CLN6: variants seen among roughly 807,000 people sequenced by gnomAD.
The protein encoded by CLN6 is CLN6 transmembrane ER protein.
Under a neutral mutation model 33.3 loss-of-function variants are expected in CLN6, and 22 were observed. The observed-to-expected ratio is 0.66, with a 90% CI of 0.47 to 0.94. CLN6 has a LOEUF of 0.94. Among genes scored for constraint, CLN6 ranks in the 40% least tolerant of loss-of-function variants. The pLI is 0.00. For missense variants in CLN6, 387 were observed against 417.1 expected (o/e 0.93, Z 0.63); for synonymous variants, 201 against 174.6 (o/e 1.15, Z -1.19).
chr15:68,217,925 C>T (rs896746440), intron 2 of CLN6, among the ~76,000 whole-genome samples: 1 of 150,986 alleles, frequency 6.6e-6, no homozygotes, highest in African/African-American at 2.4e-5. Context: ...ACCTATCTAT[C>T]TTCCATCCTC....
At chr15:68,239,447 C>G (rs1401489025) in intron 1 of CLN6, among the ~76,000 whole-genome samples, 1 of 152,002 alleles carries the variant, frequency 6.6e-6, no homozygotes. Flanking sequence ...ACTTTTGTGC[C>G]AACCTGAAGT....
upstream of CLN6, chr15:68,257,190 G>T: frequency 4.2e-6 from 1 of 236,628 alleles, no homozygotes; most frequent in Non-Finnish European, 8.1e-6. Context: ...GCGTCGCTGA[G>T]GGCTTGCGCC....
At chr15:68,255,620 A>G (rs4777030) in intron 1 of CLN6, among the ~76,000 whole-genome samples, 127,925 of 152,246 alleles carry the variant, frequency 0.84, 57,845 homozygotes, top group Non-Finnish European at 0.99. Context: ...TTTGAAAGTC[A>G]CTGCATATGT....
chr15:68,252,711 A>C (rs1892392874), intron 1 of CLN6, among the ~76,000 whole-genome samples: 1 of 152,244 alleles, frequency 6.6e-6, no homozygotes, highest in African/African-American at 2.4e-5. Context: ...ATATATTCAC[A>C]GAGTGCATGT....
At chr15:68,234,544 A>G (rs1224112719), upstream of CLN6, among the ~76,000 whole-genome samples, 2 of 152,210 alleles carry the variant, frequency 1.3e-5, no homozygotes, top group South Asian at 4.1e-4. This position sits in a 1 kb window ranked among gnomAD's most constrained non-coding sequence, Gnocchi z 4.1. Context: ...ACATGTGGCT[A>G]TAAATTCAGA....
chr15:68,228,346 G>A lies in CLN6; in HGVS notation c.83+1156C>T, dbSNP rs2093258192. Among the ~76,000 whole-genome samples, 2 of 152,164 alleles carry A rather than the reference G, an allele frequency of 1.3e-5. No individual in the cohort carries two copies. The highest frequency in any genetic ancestry group is 4.8e-5 in the African/African-American group (2 of 41,438). Reference sequence around the variant, plus strand: ...CAGAAACTTCTCACGACTCCCCAGTGCCTATGGGATAAAGACTGTGTCCTT... The same window carrying A: ...CAGAAACTTCTCACGACTCCCCAGTACCTATGGGATAAAGACTGTGTCCTT... On this transcript the variant is annotated intron_variant, in intron 1 of 6. Coordinates refer to ENST00000249806, the MANE Select transcript of CLN6 (RefSeq NM_017882.3). The surrounding 1 kb of genome is among the most constrained non-coding windows in gnomAD (Gnocchi z 4.4).
intron 2 of CLN6, among the ~76,000 whole-genome samples, chr15:68,217,632 C>T (rs1009311004): frequency 3.9e-5 from 6 of 152,108 alleles, no homozygotes; most frequent in Non-Finnish European, 8.8e-5. Context: ...GAGTGACCTT[C>T]GAAAAGTCAC....
chr15:68,229,814 T>C (rs1331371620), upstream of CLN6: 1 of 174,188 alleles, frequency 5.7e-6, no homozygotes, highest in Non-Finnish European at 1.0e-5. Context: ...CGGGCTCCGC[T>C]AGGGGAGGGC....
In CLN6 at chr15:68,208,157, C is replaced by A. The variant is rs146801142; in HGVS notation, c.919G>T (p.Val307Phe). The change falls in exon 7 of 7, where the codon GTC (valine) becomes TTC (phenylalanine). Residue 307 changes from valine (V) to phenylalanine (F), a missense_variant. Val to Phe is a conservative substitution (Grantham distance 50, BLOSUM62 -1). Coordinates refer to ENST00000249806, the MANE Select transcript of CLN6 (RefSeq NM_017882.3). This position sits in a 1 kb window ranked among gnomAD's most constrained non-coding sequence, Gnocchi z 5.8. ...CCAGGGACTCAGTGCCGACTGCTGA[C>A]GTGAAGGGTGTAGAAAGCCCAGGGC... Reference protein sequence around the residue: ...PEPWAFYTLHVSSRH With the variant: ...PEPWAFYTLHFSSRH 3.9e-6 allele frequency: 6 copies of A among 1,538,718 alleles called. No homozygotes were observed. In the African/African-American group the frequency reaches 8.4e-5, roughly 21 times the overall value.
In CLN6 at chr15:68,209,614, C is replaced by A. The variant is rs776132323; in HGVS notation, c.665+23G>T. The stretch of plus-strand genomic sequence containing the variant: ...GGCTCTCTCAGTGCCCCTGCCTCTG[C>A]CCCCATGCTGATGTCCACTCACCAG... On this transcript the variant is annotated intron_variant, in intron 6 of 6. Coordinates refer to ENST00000249806, the MANE Select transcript of CLN6 (RefSeq NM_017882.3). This position sits in a 1 kb window ranked among gnomAD's most constrained non-coding sequence, Gnocchi z 4.9. The A allele has an allele frequency of 1.2e-6, 2 of 1,610,980 alleles. No individual in the cohort carries two copies. The highest frequency in any genetic ancestry group is 1.7e-5 in the Admixed American group (1 of 59,990).
intron 1 of CLN6, among the ~76,000 whole-genome samples, chr15:68,237,887 G>A (rs193262883): frequency 1.6e-4 from 24 of 152,302 alleles, no homozygotes; most frequent in African/African-American, 3.6e-4. Context: ...CACTTTGGGC[G>A]GCCGAGGCGG....
Position 68,254,053 on chromosome 15 carries a change from G to A in CLN6, c.179+2637C>T, listed in dbSNP as rs563385669. Reference sequence around the variant, plus strand: ...CCACCGCGCCCGGCTAATTTTTTTTGTATTTTTAGTAGAGATGGGGTTTCA... The same window carrying A: ...CCACCGCGCCCGGCTAATTTTTTTTATATTTTTAGTAGAGATGGGGTTTCA... On this transcript the variant is annotated intron_variant, in intron 1 of 6. Coordinates refer to the CLN6 transcript ENST00000538696. Among the ~76,000 whole-genome samples, 163 of 150,876 alleles carry A rather than the reference G, an allele frequency of 1.1e-3. 1 individual carries two copies. Among genetic ancestry groups the A allele is most frequent in the Non-Finnish European group, 1.7e-3 (118 of 67,696 alleles).
chr15:68,211,944 G>GTGA lies in CLN6; in HGVS notation c.298-82_298-81insTCA. ...ACCCTCTGCTTCCCCCCTCACACCT[G>GTGA]GGGTGGGATGGACGCTTCCAGCTGG... On this transcript the variant is annotated intron_variant, in intron 3 of 6. Coordinates refer to ENST00000249806, the MANE Select transcript of CLN6 (RefSeq NM_017882.3). This position sits in a 1 kb window ranked among gnomAD's most constrained non-coding sequence, Gnocchi z 5.9. The GTGA allele has an allele frequency of 5.6e-6, 8 of 1,424,498 alleles. No homozygotes were observed. The highest frequency in any genetic ancestry group is 7.8e-6 in the Non-Finnish European group (8 of 1,026,920). The allele number at this position is 1,424,498 out of a possible 1,614,324, so 88.2% of individuals were successfully genotyped here. A position where few individuals can be genotyped will look rare whatever the true frequency, so the allele number is the denominator to read the frequency against.
chr15:68,226,318 C>CAAAAAA (rs35031604), intron 1 of CLN6, among the ~76,000 whole-genome samples: 1 of 63,230 alleles, frequency 1.6e-5, no homozygotes, highest in African/African-American at 4.6e-5. Context: ...GACTCCATCT[C>CAAAAAA]AAAAAAAAAA....
At position 68,208,084 on chromosome 15, in the gene CLN6, G is replaced by T; in HGVS notation, c.*56C>A. 1 of 1,537,594 alleles carries T rather than the reference G, an allele frequency of 6.5e-7. No homozygotes were observed. Among genetic ancestry groups the T allele is most frequent in the South Asian group, 1.2e-5 (1 of 84,078 alleles). On this transcript the variant is annotated 3_prime_UTR_variant, in exon 7 of 7. Coordinates refer to ENST00000249806, the MANE Select transcript of CLN6 (RefSeq NM_017882.3). This position sits in a 1 kb window ranked among gnomAD's most constrained non-coding sequence, Gnocchi z 5.8. ...ACCCCCCCTACTCCTGTATTCAGAT[G>T]CCCTCCATGGCCCACCCTCCCACCC... is the stretch of plus-strand genomic sequence containing the variant.
intron 1 of CLN6, chr15:68,254,405 G>A (rs747304609): frequency 1.2e-5 from 3 of 260,704 alleles, no homozygotes; most frequent in South Asian, 8.9e-5. Context: ...CTAGACACAC[G>A]TGGCAAGGGA....
chr15:68,250,713 T>C (rs1182463317), intron 1 of CLN6, among the ~76,000 whole-genome samples: 33 of 151,068 alleles, frequency 2.2e-4, no homozygotes, highest in Non-Finnish European at 1.5e-5. Flanking sequence ...CCAAACATCA[T>C]AGCTTATCCT....
rs979566677 is a variant in CLN6 at position 68,214,284 on chromosome 15, C to A, written c.297+6G>T. 6.2e-7 allele frequency: 1 copy of A among 1,606,332 alleles called. No individual in the cohort carries two copies. Among genetic ancestry groups the A allele is most frequent in the African/African-American group, 1.3e-5 (1 of 74,860 alleles). On this transcript the variant is annotated splice_donor_region_variant and intron_variant, in intron 3 of 6. Coordinates refer to ENST00000249806, the MANE Select transcript of CLN6 (RefSeq NM_017882.3). The stretch of plus-strand genomic sequence containing the variant: ...ACAGGAGAGAGTGGGGGCCCTGGGA[C>A]AGTACCTTGAGCAAGAGAAAGGGCG...
rs1212081057 is a variant in CLN6, at chr15:68,245,049, A to AG, written c.179+11640_179+11641insC. On this transcript the variant is annotated intron_variant, in intron 1 of 6. Coordinates refer to the CLN6 transcript ENST00000538696. ...GACTCTGACAAAAAAAAAAAAAAAA[A>AG]AGAGAGAGAGAGGCAATATAAAAAT... is the stretch of plus-strand genomic sequence containing the variant. Among the ~76,000 whole-genome samples, 6 of 150,836 alleles carry AG rather than the reference A, an allele frequency of 4.0e-5. No individual in the cohort carries two copies. In the South Asian group the frequency reaches 6.3e-4, roughly 16 times the overall value.
Sources: gnomAD v4.1 joint callset for allele counts (sites outside exome capture counted in the v4.1 genomes callset) on GRCh38, gnomAD v4.1.1 for gene constraint, Gnocchi (gnomAD v3.1) non-coding constraint, MANE v1.5 for transcripts, NCBI Gene and HGNC (gene_info 2026-07-23, HGNC 2026-07-21) for gene names.